TMEM163: variants seen among roughly 807,000 people sequenced by gnomAD.
The protein encoded by TMEM163 is transmembrane protein 163.
Under a neutral mutation model 29.3 loss-of-function variants are expected in TMEM163, and 17 were observed. The observed-to-expected ratio is 0.58, with a 90% CI of 0.40 to 0.87. The LOEUF (loss-of-function observed/expected upper bound fraction) is 0.87, where lower values mean the gene tolerates loss of function less well. TMEM163 is among the 40% of genes least tolerant of loss of function. TMEM163 has a pLI of 0.00. For missense variants in TMEM163, 303 were observed against 381.5 expected (o/e 0.79, Z 1.71); for synonymous variants, 157 against 160.6 (o/e 0.98, Z 0.17).
At chr2:134,546,677 G>C (rs1680794558) in intron 4 of TMEM163, among the ~76,000 whole-genome samples, 1 of 148,408 alleles carries the variant, frequency 6.7e-6, no homozygotes, top group South Asian at 2.1e-4. Flanking sequence ...GCCAGGTGTG[G>C]TGGTGCATGC....
At chr2:134,658,824 C>T (rs1683681626) in intron 2 of TMEM163, among the ~76,000 whole-genome samples, 1 of 152,146 alleles carries the variant, frequency 6.6e-6, no homozygotes, top group South Asian at 2.1e-4. Flanking sequence ...GTCTTGATCA[C>T]CTGACCTCGT....
intron 2 of TMEM163, among the ~76,000 whole-genome samples, chr2:134,576,541 C>T (rs1681559182): frequency 6.6e-6 from 1 of 152,182 alleles, no homozygotes; most frequent in African/African-American, 2.4e-5. Context: ...CCCAATCACA[C>T]AGAATGCCTC....
At chr2:134,585,418 G>T (rs1681791770) in intron 2 of TMEM163, among the ~76,000 whole-genome samples, 1 of 152,188 alleles carries the variant, frequency 6.6e-6, no homozygotes, top group African/African-American at 2.4e-5. Flanking sequence ...TTAGAGGGTT[G>T]TTGTGAGAAT....
At chr2:134,550,689 G>T (rs1361276214) in intron 3 of TMEM163, 28 bp from the exon 4 acceptor site, 1 of 1,600,346 alleles carries the variant, frequency 6.2e-7, no homozygotes, top group East Asian at 2.2e-5. Context: ...GGCATTAGAG[G>T]CTTTCCACAG....
chr2:134,548,901 G>T (rs1239073520), intron 4 of TMEM163, among the ~76,000 whole-genome samples: 1 of 152,150 alleles, frequency 6.6e-6, no homozygotes, highest in Non-Finnish European at 1.5e-5. Context: ...GTGACATCAG[G>T]TTGGTGCTTA....
intron 2 of TMEM163, among the ~76,000 whole-genome samples, chr2:134,625,911 CCA>C (rs1682839581): frequency 6.6e-6 from 1 of 152,110 alleles, no homozygotes; most frequent in Non-Finnish European, 1.5e-5. Flanking sequence ...TAAGCTAGCC[CCA>C]GAGTCCAGGT....
intron 2 of TMEM163, among the ~76,000 whole-genome samples, chr2:134,638,348 TA>T (rs1683152656): frequency 6.6e-6 from 1 of 152,202 alleles, no homozygotes; most frequent in Non-Finnish European, 1.5e-5. Context: ...CACATCTGCG[TA>T]AATCTGCAAG....
At chr2:134,606,497 C>T (rs1574275558) in intron 2 of TMEM163, among the ~76,000 whole-genome samples, 1 of 152,206 alleles carries the variant, frequency 6.6e-6, no homozygotes, top group Non-Finnish European at 1.5e-5. Flanking sequence ...TCTCCTGGCC[C>T]ACCCTGCAGA....
intron 4 of TMEM163, among the ~76,000 whole-genome samples, chr2:134,549,791 T>C (rs779451820): frequency 1.3e-5 from 2 of 152,232 alleles, no homozygotes; most frequent in African/African-American, 2.4e-5. Context: ...TATATACATA[T>C]AACTGCATGC....
At chr2:134,576,149 G>A (rs1681549926) in intron 2 of TMEM163, among the ~76,000 whole-genome samples, 1 of 152,200 alleles carries the variant, frequency 6.6e-6, no homozygotes, top group Non-Finnish European at 1.5e-5. Context: ...CTGGAGCGGG[G>A]TGGTGTGAGA....
At chr2:134,626,850 G>T (rs1259052998) in intron 2 of TMEM163, among the ~76,000 whole-genome samples, 1 of 152,154 alleles carries the variant, frequency 6.6e-6, no homozygotes, top group East Asian at 1.9e-4. Context: ...TGCTGAAATA[G>T]AAAACTATAC....
At chr2:134,501,621 C>T (rs1168838805) in intron 5 of TMEM163, among the ~76,000 whole-genome samples, 2 of 152,144 alleles carry the variant, frequency 1.3e-5, no homozygotes, top group African/African-American at 4.8e-5. Context: ...TCATATCTTA[C>T]CTAAGGTTCA....
At chr2:134,692,586 A>AG (rs1684493336) in intron 2 of TMEM163, among the ~76,000 whole-genome samples, 1 of 152,060 alleles carries the variant, frequency 6.6e-6, no homozygotes, top group South Asian at 2.1e-4. Flanking sequence ...GTGTCTGGGG[A>AG]GGGCTCCCCG....
chr2:134,695,844 A>C (rs10177483), intron 2 of TMEM163, among the ~76,000 whole-genome samples: 1 of 152,170 alleles, frequency 6.6e-6, no homozygotes, highest in Non-Finnish European at 1.5e-5. Flanking sequence ...TGAGGTCAGG[A>C]GTTCCAGACC....
intron 2 of TMEM163, among the ~76,000 whole-genome samples, chr2:134,644,474 A>T (rs1360950175): frequency 6.6e-6 from 1 of 152,208 alleles, no homozygotes; most frequent in East Asian, 1.9e-4. Context: ...TTCCTTTCAC[A>T]GATACTAATG....
At chr2:134,459,255 C>G (rs1274035564) in intron 6 of TMEM163, 1 of 152,312 alleles carries the variant, frequency 6.6e-6, no homozygotes, top group African/African-American at 2.4e-5. Context: ...GCAATGGCCG[C>G]TCACAGGAAT....
At chr2:134,639,020 G>A (rs964006474) in intron 2 of TMEM163, among the ~76,000 whole-genome samples, 1 of 152,172 alleles carries the variant, frequency 6.6e-6, no homozygotes, top group African/African-American at 2.4e-5. Context: ...GGAGAGAGGG[G>A]TACAGAGCGC....
At chr2:134,578,024 A>C (rs901056011) in intron 2 of TMEM163, among the ~76,000 whole-genome samples, 1 of 152,146 alleles carries the variant, frequency 6.6e-6, no homozygotes, top group Non-Finnish European at 1.5e-5. Flanking sequence ...TCCTGGAACC[A>C]ACCCCTCTCG....
intron 2 of TMEM163, among the ~76,000 whole-genome samples, chr2:134,588,536 C>T (rs145147103): frequency 1.3e-5 from 2 of 152,098 alleles, no homozygotes; most frequent in African/African-American, 4.8e-5. Flanking sequence ...GGCACTGAAC[C>T]AGCATGTGCC....
Sources: gnomAD v4.1 joint callset for allele counts (sites outside exome capture counted in the v4.1 genomes callset) on GRCh38, gnomAD v4.1.1 for gene constraint, MANE v1.5 for transcripts, NCBI Gene and HGNC (gene_info 2026-07-23, HGNC 2026-07-21) for gene names.